REDIC1: variants seen among roughly 807,000 people sequenced by gnomAD.
REDIC1 encodes HEI10 Interacting Protein 1.
At chr12:39,895,901 C>T in the REDIC1 span, among the ~76,000 whole-genome samples, 34,212 of 41,540 alleles carry the variant, frequency 0.82, 14,735 homozygotes, top group East Asian at 0.9. Flanking sequence ...TATGCACACA[C>T]ATATGTATAT....
chr12:39,739,345 G>GATTC, the REDIC1 span, among the ~76,000 whole-genome samples: 2 of 152,266 alleles, frequency 1.3e-5, no homozygotes, highest in Admixed American at 1.3e-4. Context: ...TTTAATAGAG[G>GATTC]ATTCATTCCT....
chr12:39,864,675 C>G, the REDIC1 span: 1 of 1,532,044 alleles, frequency 6.5e-7, no homozygotes, highest in East Asian at 2.3e-5. Context: ...CAAGCTCCTA[C>G]TCATCTCTAC....
At chr12:39,737,442 A>G in the REDIC1 span, among the ~76,000 whole-genome samples, 1 of 152,244 alleles carries the variant, frequency 6.6e-6, no homozygotes, top group Non-Finnish European at 1.5e-5. Flanking sequence ...TAAGTTTTAT[A>G]AGGTCGAGAG....
At chr12:39,626,701 G>A in the REDIC1 span, among the ~76,000 whole-genome samples, 3 of 151,556 alleles carry the variant, frequency 2.0e-5, no homozygotes, top group Non-Finnish European at 2.9e-5. Flanking sequence ...CCTTCTTTCC[G>A]TGTCTACACC....
the REDIC1 span, among the ~76,000 whole-genome samples, chr12:39,855,560 G>A: frequency 4.3e-4 from 65 of 152,280 alleles, no homozygotes; most frequent in Non-Finnish European, 6.5e-4. Context: ...TGAGCTCCAT[G>A]AGGAGGAAGG....
the REDIC1 span, among the ~76,000 whole-genome samples, chr12:39,733,681 T>C: frequency 1.3e-5 from 2 of 152,220 alleles, no homozygotes; most frequent in African/African-American, 4.8e-5. Context: ...GTTCAAACTT[T>C]CCTGTGGCTT....
At chr12:39,711,345 C>T in the REDIC1 span, among the ~76,000 whole-genome samples, 1 of 145,534 alleles carries the variant, frequency 6.9e-6, no homozygotes, top group Non-Finnish European at 1.5e-5. Context: ...ATATATACAT[C>T]TATATGTATA....
chr12:39,894,471 G>C, the REDIC1 span, among the ~76,000 whole-genome samples: 1,101 of 152,132 alleles, frequency 7.2e-3, 6 homozygotes, highest in Non-Finnish European at 0.011. Flanking sequence ...AATATAAAGA[G>C]AATAACAAAC....
At chr12:39,896,562 A>G in the REDIC1 span, among the ~76,000 whole-genome samples, 2 of 116,118 alleles carry the variant, frequency 1.7e-5, no homozygotes, top group African/African-American at 3.0e-5. Flanking sequence ...ACATGTATAC[A>G]TATATGTATG....
At chr12:39,908,289 C>T in the REDIC1 span, 3 of 151,696 alleles carry the variant, frequency 2.0e-5, no homozygotes, top group Non-Finnish European at 4.4e-5. Context: ...ATAATAAAAC[C>T]CCCCAAACAA....
At chr12:39,830,264 A>G in the REDIC1 span, 8 of 1,602,024 alleles carry the variant, frequency 5.0e-6, no homozygotes, top group African/African-American at 9.4e-5. Flanking sequence ...ATGTTGGCAG[A>G]GACAACTGGT....
chr12:39,811,387 T>G, the REDIC1 span, among the ~76,000 whole-genome samples: 2 of 152,106 alleles, frequency 1.3e-5, no homozygotes, highest in African/African-American at 4.8e-5. Flanking sequence ...GCTTCATAAT[T>G]GTAAGCTTAG....
chr12:39,764,283 C>A, the REDIC1 span, among the ~76,000 whole-genome samples: 1 of 151,994 alleles, frequency 6.6e-6, no homozygotes. Flanking sequence ...ATAGGAGAAT[C>A]CCTCTCTTCT....
At chr12:39,859,682 C>T in the REDIC1 span, among the ~76,000 whole-genome samples, 17 of 152,204 alleles carry the variant, frequency 1.1e-4, 1 homozygote, top group Admixed American at 8.5e-4. Flanking sequence ...ACAACCGCAC[C>T]TGGCTAATTT....
At chr12:39,640,453 A>C in the REDIC1 span, among the ~76,000 whole-genome samples, 1 of 151,908 alleles carries the variant, frequency 6.6e-6, no homozygotes, top group Admixed American at 6.6e-5. Flanking sequence ...TAAGACATAG[A>C]TATGAAATTT....
At chr12:39,830,542 G>A in the REDIC1 span, 2 of 1,016,482 alleles carry the variant, frequency 2.0e-6, no homozygotes, top group Non-Finnish European at 2.4e-6. Context: ...CTAAACCACT[G>A]AGATTTGTTA....
chr12:39,750,512 A>T, the REDIC1 span, among the ~76,000 whole-genome samples: 1 of 152,260 alleles, frequency 6.6e-6, no homozygotes, highest in Non-Finnish European at 1.5e-5. Context: ...ATTCAATGCC[A>T]TCCCCATCAA....
chr12:39,879,139 G>A, the REDIC1 span, among the ~76,000 whole-genome samples: 13 of 152,264 alleles, frequency 8.5e-5, no homozygotes, highest in African/African-American at 2.9e-4. Context: ...AAGAATGCTT[G>A]GCAGCCTCTG....
the REDIC1 span, among the ~76,000 whole-genome samples, chr12:39,897,898 T>C: frequency 6.6e-6 from 1 of 152,132 alleles, no homozygotes; most frequent in Non-Finnish European, 1.5e-5. Context: ...ATATAAGACA[T>C]TTTTATGTAG....
Sources: allele counts gnomAD v4.1 joint callset (sites outside exome capture counted in the v4.1 genomes callset), GRCh38; gene constraint gnomAD v4.1.1; transcripts MANE v1.5; gene names NCBI Gene and HGNC (gene_info 2026-07-23, HGNC 2026-07-21).